Variants in DAAM2 observed in about 807,000 individuals in gnomAD.
DAAM2 encodes dishevelled associated activator of morphogenesis 2, also known as disheveled-associated activator of morphogenesis 2.
Under a neutral mutation model 120.7 loss-of-function variants are expected in DAAM2, and 39 were observed. The ratio of observed to expected loss-of-function variants is 0.32; its 90% confidence interval spans 0.25 to 0.42. The LOEUF (loss-of-function observed/expected upper bound fraction) is 0.42, where lower values mean the gene tolerates loss of function less well. DAAM2 is among the 10% of genes least tolerant of loss of function. DAAM2 has a pLI of 1.00. For missense variants in DAAM2, 1,283 were observed against 1,401.7 expected (o/e 0.92, Z 1.35); for synonymous variants, 488 against 524.9 (o/e 0.93, Z 0.96).
intron 11 of DAAM2, among the ~76,000 whole-genome samples, chr6:39,876,512 G>A (rs906706921): frequency 6.6e-6 from 1 of 152,138 alleles, no homozygotes; most frequent in African/African-American, 2.4e-5. Context: ...CACTGCCAGA[G>A]GATAAAAACT....
chr6:39,845,373 T>TCTACACACACATC (rs1562022068), intron 1 of DAAM2, among the ~76,000 whole-genome samples: 1 of 62 alleles, frequency 0.016, no homozygotes, highest in African/African-American at 0.1. Context: ...TGCACAAACA[T>TCTACACACACATC]ACACATATAC....
Position 39,809,524 on chromosome 6 carries a change from A to G in DAAM2, c.-57+17059A>G, listed in dbSNP as rs1413868025. On this transcript the variant is annotated intron_variant, in intron 1 of 24. Transcript: ENST00000274867. Reference sequence around the variant, plus strand: ...TGTAGCATTTCCCAAACTGCCTTTGATGGAACACTAAGTTCTCACAATGGT... The same window carrying G: ...TGTAGCATTTCCCAAACTGCCTTTGGTGGAACACTAAGTTCTCACAATGGT... Among the ~76,000 whole-genome samples the G allele has an allele frequency of 2.6e-5, 4 of 152,184 alleles. 1 individual carries two copies. Among genetic ancestry groups the G allele is most frequent in the Admixed American group, 2.6e-4 (4 of 15,284 alleles).
At position 39,875,398 on chromosome 6, in the gene DAAM2, C is replaced by G. The variant is rs780087641; in HGVS notation, c.1231C>G (p.Gln411Glu). The part of the protein sequence containing the change: ...LDRILQQIVL[Q>E]DERGVDPDLA... The stretch of plus-strand genomic sequence containing the variant: ...CCGCATCCTCCAGCAGATTGTCCTC[C>G]AGGATGAGCGGGGTGTGGACCCTGA... The change falls in exon 11 of 25, where the codon CAG (glutamine) becomes GAG (glutamate). Residue 411 changes from glutamine to glutamate, a missense_variant. Gln to Glu is a conservative substitution (Grantham distance 29). Coordinates refer to ENST00000274867, the MANE Select transcript of DAAM2 (RefSeq NM_001201427.2). The G allele has an allele frequency of 2.5e-6, 4 of 1,614,002 alleles. No homozygotes were observed. Among genetic ancestry groups the G allele is most frequent in the Non-Finnish European group, 3.4e-6 (4 of 1,179,882 alleles).
At chr6:39,897,332 T>C (rs999354287) in intron 21 of DAAM2, 50 bp downstream of exon 21, 2 of 1,237,560 alleles carry the variant, frequency 1.6e-6, no homozygotes, top group Non-Finnish European at 1.2e-6. Flanking sequence ...CCCTCATTCT[T>C]GTCTTACTTT....
intron 1 of DAAM2, chr6:39,822,394 T>C (rs1448209817): frequency 6.6e-6 from 1 of 152,212 alleles, no homozygotes; most frequent in African/African-American, 2.4e-5. Context: ...CTTCAACAGA[T>C]GTTTTCTGTG....
At position 39,892,037 on chromosome 6, in the gene DAAM2, A is replaced by G. The variant is rs1765757650; in HGVS notation, c.2341+315A>G. 2.0e-5 allele frequency among the ~76,000 whole-genome samples: 3 copies of G among 152,120 alleles called. No individual in the cohort carries two copies. The South Asian group carries it at 6.2e-4, about 32-fold the overall frequency. On this transcript the variant is annotated intron_variant, in intron 19 of 24. Transcript: ENST00000274867. ...AAAGATAATAATAGCCACACCTACA[A>G]CAGTGCCTGGCTGGGACTGAGCTCA...
chr6:39,896,444 C>T (rs562264247), intron 19 of DAAM2, among the ~76,000 whole-genome samples: 67 of 152,158 alleles, frequency 4.4e-4, no homozygotes, highest in Non-Finnish European at 7.1e-4. Context: ...CTCAAGTGAT[C>T]TCCCTGCCTC....
intron 5 of DAAM2, among the ~76,000 whole-genome samples, chr6:39,865,378 C>T (rs751985286): frequency 1.1e-4 from 17 of 152,168 alleles, no homozygotes; most frequent in Non-Finnish European, 2.2e-4. Context: ...AGAATAGGAG[C>T]GTGACCAAAT....
chr6:39,831,102 T>A (rs953494106), intron 1 of DAAM2, among the ~76,000 whole-genome samples: 2 of 152,228 alleles, frequency 1.3e-5, no homozygotes, highest in East Asian at 3.8e-4. Flanking sequence ...GTTTCATATA[T>A]TCCTTCTTTA....
At chr6:39,875,696 A>G (rs1050695878) in intron 11 of DAAM2, among the ~76,000 whole-genome samples, 3 of 152,234 alleles carry the variant, frequency 2.0e-5, no homozygotes, top group Non-Finnish European at 4.4e-5. Flanking sequence ...CACGGCTAGT[A>G]TGACCAAGGA....
Position 39,901,503 on chromosome 6 carries a change from G to A in DAAM2, c.2982+31G>A. The A allele has an allele frequency of 6.3e-7, 1 of 1,587,474 alleles. No homozygotes were observed. Among genetic ancestry groups the A allele is most frequent in the Non-Finnish European group, 8.5e-7 (1 of 1,172,196 alleles). On this transcript the variant is annotated intron_variant, in intron 24 of 24. Transcript: ENST00000274867. This position sits in a 1 kb window ranked among gnomAD's most constrained non-coding sequence, Gnocchi z 4.5. ...GGGCAGTGCCAGGCCTGGGACTGAG[G>A]GGAGACGGGTGCTACTTGGGGAGAA...
At chr6:39,877,764 C>G (rs1406148547) in intron 11 of DAAM2, among the ~76,000 whole-genome samples, 1 of 152,212 alleles carries the variant, frequency 6.6e-6, no homozygotes, top group Non-Finnish European at 1.5e-5. Flanking sequence ...GTCTCTTGCT[C>G]TTACGCATTG....
Position 39,904,572 on chromosome 6 carries a change from G to C in DAAM2, c.*2535G>C, listed in dbSNP as rs965285031. ...ACCTTCTCAGCAGCATTTCTCCCCT[G>C]TGATGGAAATAAAGTGTTTAGGGCA... On this transcript the variant is annotated 3_prime_UTR_variant, in exon 25 of 25. Transcript: ENST00000274867. The C allele has an allele frequency of 4.5e-6, 2 of 444,390 alleles. No individual in the cohort carries two copies. The highest frequency in any genetic ancestry group is 1.6e-5 in the South Asian group (1 of 64,092). The allele number at this position is 444,390 out of a possible 1,614,324, so 27.5% of individuals were successfully genotyped here. A position where few individuals can be genotyped will look rare whatever the true frequency, so the allele number is the denominator to read the frequency against.
chr6:39,872,747 G>A (rs368943258), intron 9 of DAAM2, among the ~76,000 whole-genome samples: 7 of 152,332 alleles, frequency 4.6e-5, no homozygotes, highest in South Asian at 4.1e-4. Flanking sequence ...CAACTAAAGC[G>A]TAGATCTGGG....
Position 39,896,808 on chromosome 6 carries a change from C to T in DAAM2, c.2342-4C>T. On this transcript the variant is annotated splice_polypyrimidine_tract_variant and splice_region_variant and intron_variant, in intron 19 of 24. Coordinates refer to ENST00000274867, the MANE Select transcript of DAAM2 (RefSeq NM_001201427.2). Reference sequence around the variant, plus strand: ...AGGCCTCTGACCTGTGCCTCCTCTCCCAGCCATCCTGTTGGCCTCCCGGGA... The same window carrying T: ...AGGCCTCTGACCTGTGCCTCCTCTCTCAGCCATCCTGTTGGCCTCCCGGGA... 1 of 1,585,950 alleles carries T rather than the reference C, an allele frequency of 6.3e-7. No individual in the cohort carries two copies. The highest frequency in any genetic ancestry group is 8.6e-7 in the Non-Finnish European group (1 of 1,165,076).
intron 19 of DAAM2, among the ~76,000 whole-genome samples, chr6:39,893,774 G>C (rs547454749): frequency 1.7e-4 from 26 of 152,166 alleles, no homozygotes; most frequent in Admixed American, 5.2e-4. Context: ...AATCAGATCA[G>C]TGTGTGTGAC....
At chr6:39,879,572 T>G in intron 14 of DAAM2, 95 bp downstream of exon 14, 1 of 1,540,906 alleles carries the variant, frequency 6.5e-7, no homozygotes, top group Non-Finnish European at 9.0e-7. Flanking sequence ...ATCTCCACTC[T>G]GGGTCCTTTC....
At chr6:39,884,634 TGGG>T in intron 15 of DAAM2, 1 of 153,790 alleles carries the variant, frequency 6.5e-6, no homozygotes, top group African/African-American at 2.4e-5. Flanking sequence ...GGGCTGGGCC[TGGG>T]CCTGGGCCTG....
At chr6:39,854,656 C>T (rs909567714) in intron 1 of DAAM2, among the ~76,000 whole-genome samples, 4 of 152,088 alleles carry the variant, frequency 2.6e-5, no homozygotes, top group Non-Finnish European at 2.9e-5. Flanking sequence ...TAGAAGTTAC[C>T]CTGAGTTCAC....
Sources: allele counts gnomAD v4.1 joint callset (sites outside exome capture counted in the v4.1 genomes callset), GRCh38; gene constraint gnomAD v4.1.1; non-coding constraint Gnocchi (gnomAD v3.1); transcripts MANE v1.5; gene names NCBI Gene and HGNC (gene_info 2026-07-23, HGNC 2026-07-21).